The following LHX4 variants were observed in gnomAD, a reference collection of about 807,000 sequenced individuals.
LHX4 encodes the protein LIM/homeobox protein Lhx4.
Under a neutral mutation model 39.2 loss-of-function variants are expected in LHX4, and 16 were observed. That is an observed-to-expected ratio of 0.41 (90% confidence interval 0.28 to 0.62). The LOEUF (loss-of-function observed/expected upper bound fraction) is 0.62, where lower values mean the gene tolerates loss of function less well. Ranked by LOEUF, LHX4 falls within the 20% of genes least tolerant of loss-of-function variation. LHX4 has a pLI of 0.33. For missense variants in LHX4, 439 were observed against 511.9 expected (o/e 0.86, Z 1.37); for synonymous variants, 206 against 198.1 (o/e 1.04, Z -0.33).
Position 180,230,728 on chromosome 1 carries a change from G to A in LHX4, c.76+123G>A. On this transcript the variant is annotated intron_variant, in intron 1 of 5. Coordinates refer to ENST00000263726, the MANE Select transcript of LHX4 (RefSeq NM_033343.4). The surrounding 1 kb of genome is among the most constrained non-coding windows in gnomAD (Gnocchi z 5.8). Reference sequence around the variant, plus strand: ...GGGCTGGCGGCCGGGGCGCAGAGGCGGTCACAGGGCAGGGGCACCAGCCAG... The same window carrying A: ...GGGCTGGCGGCCGGGGCGCAGAGGCAGTCACAGGGCAGGGGCACCAGCCAG... 1.1e-6 allele frequency: 1 copy of A among 889,710 alleles called. No homozygotes were observed. 55.1% of individuals were successfully genotyped at this position (889,710 alleles called of 1,614,324 possible). A position where few individuals can be genotyped will look rare whatever the true frequency, so the allele number is the denominator to read the frequency against.
upstream of LHX4, among the ~76,000 whole-genome samples, chr1:180,230,074 C>T (rs1230854098): frequency 3.3e-5 from 5 of 150,566 alleles, no homozygotes; most frequent in Admixed American, 3.3e-4. This position sits in a 1 kb window ranked among gnomAD's most constrained non-coding sequence, Gnocchi z 5.8. Flanking sequence ...CCTCCGGGGT[C>T]GGCTGCCCGC....
chr1:180,267,953 CTT>C (rs1238166636), intron 3 of LHX4, among the ~76,000 whole-genome samples: 3 of 152,226 alleles, frequency 2.0e-5, no homozygotes, highest in East Asian at 3.9e-4. Flanking sequence ...CTTCCTGTCT[CTT>C]TGAGGACCTT....
intron 1 of LHX4, among the ~76,000 whole-genome samples, chr1:180,236,041 A>G (rs1664308833): frequency 1.3e-5 from 2 of 152,150 alleles, no homozygotes; most frequent in African/African-American, 4.8e-5. Flanking sequence ...GTGTATCTGC[A>G]CCTGCCTCTT....
chr1:180,231,554 T>TCGCGCG (rs3041737), intron 1 of LHX4, among the ~76,000 whole-genome samples: 4 of 132,666 alleles, frequency 3.0e-5, no homozygotes, highest in African/African-American at 5.3e-5. Flanking sequence ...TGCCCAGTCG[T>TCGCGCG]CGCGCGCGCG....
intron 5 of LHX4, chr1:180,273,899 G>T: frequency 2.1e-6 from 1 of 475,492 alleles, no homozygotes; most frequent in South Asian, 2.1e-5. Flanking sequence ...TGTAGCCAGA[G>T]TATTAGTACA....
chr1:180,269,323 T>C (rs1571288239), intron 3 of LHX4, among the ~76,000 whole-genome samples: 2 of 152,256 alleles, frequency 1.3e-5, no homozygotes, highest in Admixed American at 1.3e-4. Flanking sequence ...TTTTGTCACA[T>C]TTAACTTCCG....
At chr1:180,244,499 C>T (rs1419109281) in intron 1 of LHX4, among the ~76,000 whole-genome samples, 1 of 152,188 alleles carries the variant, frequency 6.6e-6, no homozygotes, top group Non-Finnish European at 1.5e-5. Context: ...AACTCCCCTG[C>T]CCACCATTCC....
intron 3 of LHX4, among the ~76,000 whole-genome samples, chr1:180,267,226 C>T (rs1244442883): frequency 1.3e-5 from 2 of 152,238 alleles, no homozygotes; most frequent in African/African-American, 4.8e-5. Flanking sequence ...TAGCTCCCTC[C>T]ACCCACTTCA....
intron 1 of LHX4, among the ~76,000 whole-genome samples, chr1:180,237,562 T>C (rs895636883): frequency 7.0e-6 from 1 of 142,872 alleles, no homozygotes; most frequent in African/African-American, 2.5e-5. Flanking sequence ...GTTAACTGTA[T>C]GAGCGGCTGA....
At chr1:180,271,091 C>A in intron 3 of LHX4, 2 of 491,426 alleles carry the variant, frequency 4.1e-6, no homozygotes, top group Non-Finnish European at 7.5e-6. Flanking sequence ...TGGGTACATT[C>A]AATCTGATGA....
rs1649144116 is a variant in LHX4 at position 180,278,044 on chromosome 1, C to T, written c.*3465C>T. ...CCAACTGCCTCTTTACAGGAGGGGG[C>T]TCAAGGCTTCTGATGAGCAAAGGCT... On this transcript the variant is annotated 3_prime_UTR_variant, in exon 6 of 6. Coordinates refer to ENST00000263726, the MANE Select transcript of LHX4 (RefSeq NM_033343.4). The T allele has an allele frequency of 6.6e-6, 1 of 152,190 alleles. No individual in the cohort carries two copies. The highest frequency in any genetic ancestry group is 1.5e-5 in the Non-Finnish European group (1 of 68,046). The allele number at this position is 152,190 out of a possible 1,614,324, so 9.4% of individuals were successfully genotyped here. A position where few individuals can be genotyped will look rare whatever the true frequency, so the allele number is the denominator to read the frequency against.
chr1:180,242,831 T>C (rs1300387387), intron 1 of LHX4, among the ~76,000 whole-genome samples: 1 of 152,216 alleles, frequency 6.6e-6, no homozygotes, highest in Non-Finnish European at 1.5e-5. Flanking sequence ...ACTCCTCATA[T>C]TGAGTTGATA....
chr1:180,255,927 C>CA (rs1571272313), intron 2 of LHX4, among the ~76,000 whole-genome samples: 2 of 152,228 alleles, frequency 1.3e-5, no homozygotes, highest in South Asian at 4.1e-4. Flanking sequence ...ACGGGGTCCC[C>CA]AGTGGGATCT....
At chr1:180,238,024 A>G (rs994760056) in intron 1 of LHX4, among the ~76,000 whole-genome samples, 1 of 152,262 alleles carries the variant, frequency 6.6e-6, no homozygotes, top group African/African-American at 2.4e-5. Context: ...ATGATATCCT[A>G]CTGAAGAATA....
chr1:180,262,285 A>AAAAG (rs1414074717), intron 2 of LHX4, among the ~76,000 whole-genome samples: 1 of 150,424 alleles, frequency 6.6e-6, no homozygotes, highest in Non-Finnish European at 1.5e-5. Context: ...TGAAAGGAAA[A>AAAAG]AAAAAAAAAA....
chr1:180,267,221 C>T (rs528360342), intron 3 of LHX4, among the ~76,000 whole-genome samples: 1 of 152,316 alleles, frequency 6.6e-6, no homozygotes, highest in East Asian at 1.9e-4. Flanking sequence ...CAATATAGCT[C>T]CCTCCACCCA....
chr1:180,259,067 T>C (rs917278058), intron 2 of LHX4, among the ~76,000 whole-genome samples: 3 of 151,664 alleles, frequency 2.0e-5, no homozygotes, highest in Non-Finnish European at 4.4e-5. Flanking sequence ...AGCCCAGGGG[T>C]CTGGGCTGGA....
chr1:180,274,660 A>T lies in LHX4; in HGVS notation c.*81A>T. 6.9e-7 allele frequency: 1 copy of T among 1,439,546 alleles called. No individual in the cohort carries two copies. The highest frequency in any genetic ancestry group is 9.3e-7 in the Non-Finnish European group (1 of 1,078,394). 89.2% of individuals were successfully genotyped at this position (1,439,546 alleles called of 1,614,324 possible). On this transcript the variant is annotated 3_prime_UTR_variant, in exon 6 of 6. Transcript: ENST00000263726. ...ATCAAAAGAGACTTGCCTTTTAAGG[A>T]TCGAAAGTACGCCAATGTGAATTTC...
chr1:180,241,261 C>T (rs141012066), intron 1 of LHX4, among the ~76,000 whole-genome samples: 1 of 152,244 alleles, frequency 6.6e-6, no homozygotes. Context: ...ACTGCATTGT[C>T]TGCTGTTTAT....
Sources: allele counts gnomAD v4.1 joint callset (sites outside exome capture counted in the v4.1 genomes callset), GRCh38; gene constraint gnomAD v4.1.1; non-coding constraint Gnocchi (gnomAD v3.1); transcripts MANE v1.5; gene names NCBI Gene and HGNC (gene_info 2026-07-23, HGNC 2026-07-21).